C1orf21: variants seen among roughly 807,000 people sequenced by gnomAD.
C1orf21 encodes the protein chromosome 1 open reading frame 21, also known as uncharacterized protein C1orf21.
Under a neutral mutation model 18.7 loss-of-function variants are expected in C1orf21, and 3 were observed. The ratio of observed to expected loss-of-function variants is 0.16; its 90% CI spans 0.07 to 0.42. The LOEUF (loss-of-function observed/expected upper bound fraction) is 0.42, where lower values mean the gene tolerates loss of function less well. Among genes scored for constraint, C1orf21 ranks in the 10% least tolerant of loss-of-function variants. C1orf21 has a pLI of 0.99. For missense variants in C1orf21, 104 were observed against 143.6 expected (o/e 0.72, Z 1.41); for synonymous variants, 41 against 46.4 (o/e 0.88, Z 0.47).
intron 1 of C1orf21, among the ~76,000 whole-genome samples, chr1:184,389,167 G>A (rs957453211): frequency 6.6e-6 from 1 of 152,042 alleles, no homozygotes; most frequent in African/African-American, 2.4e-5. Context: ...GTGCAAACCT[G>A]CTTCAGAGAA....
intron 4 of C1orf21, 49 bp downstream of exon 4, chr1:184,590,864 T>TGGAA: frequency 6.9e-7 from 1 of 1,445,118 alleles, no homozygotes; most frequent in Non-Finnish European, 9.7e-7. Context: ...TCCATATCCA[T>TGGAA]GGATTCTGCA....
chr1:184,490,523 C>T (rs1314688176), intron 2 of C1orf21, among the ~76,000 whole-genome samples: 2 of 152,128 alleles, frequency 1.3e-5, no homozygotes, highest in African/African-American at 4.8e-5. Flanking sequence ...GCAGGGGAGA[C>T]TGGGAAACTT....
intron 2 of C1orf21, among the ~76,000 whole-genome samples, chr1:184,478,403 T>C (rs1226574698): frequency 1.3e-5 from 2 of 152,038 alleles, no homozygotes; most frequent in Non-Finnish European, 2.9e-5. Context: ...GCAAATACAT[T>C]TTTTTTGCCC....
At chr1:184,489,694 G>C (rs958194166) in intron 2 of C1orf21, among the ~76,000 whole-genome samples, 4 of 152,164 alleles carry the variant, frequency 2.6e-5, no homozygotes, top group African/African-American at 9.7e-5. Context: ...TATTGATATG[G>C]CAAAAGGTTT....
At chr1:184,416,419 T>TTA (rs1656452342) in intron 1 of C1orf21, among the ~76,000 whole-genome samples, 1 of 152,154 alleles carries the variant, frequency 6.6e-6, no homozygotes, top group South Asian at 2.1e-4. Flanking sequence ...ATTTAATTTA[T>TTA]TATATATGTG....
In C1orf21 at chr1:184,619,509, C is replaced by G. The variant is rs1270811929; in HGVS notation, c.328-9C>G. ...CATTCACATGCTCTTTTTTCTTTTTCCCTCCAAGGGTCGGGATTACTGTTC... is the reference window on the plus strand; with the variant it reads ...CATTCACATGCTCTTTTTTCTTTTTGCCTCCAAGGGTCGGGATTACTGTTC... On this transcript the variant is annotated splice_polypyrimidine_tract_variant and intron_variant, in intron 5 of 5. Coordinates refer to ENST00000235307, the MANE Select transcript of C1orf21 (RefSeq NM_030806.4). The G allele has an allele frequency of 6.2e-7, 1 of 1,607,992 alleles. No individual in the cohort carries two copies. The highest frequency in any genetic ancestry group is 8.5e-7 in the Non-Finnish European group (1 of 1,178,252).
chr1:184,420,000 G>A lies in C1orf21; in HGVS notation c.-125+32632G>A, dbSNP rs569576692. ...TTATAGGATCACTGGCTGTGACTCA[G>A]AGTAAGCAGATGGAGACGTAGATGG... On this transcript the variant is annotated intron_variant, in intron 1 of 5. Transcript: ENST00000235307. Among the ~76,000 whole-genome samples, 5 of 152,298 alleles carry A rather than the reference G, an allele frequency of 3.3e-5. No homozygotes were observed. The East Asian group carries it at 9.6e-4, about 29-fold the overall frequency.
In C1orf21 at chr1:184,463,356, G is replaced by A. The variant is rs185889707; in HGVS notation, c.-124-14030G>A. ...CTTCTATTCATAATTTTTATCATAT[G>A]GACAAAAGTTTCTATTTGAAAACCT... On this transcript the variant is annotated intron_variant, in intron 1 of 5. Transcript: ENST00000235307. Among the ~76,000 whole-genome samples the A allele has an allele frequency of 6.5e-4, 99 of 151,922 alleles. 1 individual carries two copies. The highest frequency in any genetic ancestry group is 6.5e-3 in the South Asian group (31 of 4,798).
intron 3 of C1orf21, among the ~76,000 whole-genome samples, chr1:184,544,984 G>C (rs1485608173): frequency 6.6e-6 from 1 of 152,200 alleles, no homozygotes; most frequent in African/African-American, 2.4e-5. Flanking sequence ...GAGCCAGTCA[G>C]AGAGCACCCA....
rs115681975 is a variant in C1orf21 at position 184,494,220 on chromosome 1, A to G, written c.95-13368A>G. On this transcript the variant is annotated intron_variant, in intron 2 of 5. Transcript: ENST00000235307. ...ACAGAATGTTTCAGGCAGAGAAACAACAAAGCCAAATTTCTGAGAGGGAGC... is the reference window on the plus strand; with the variant it reads ...ACAGAATGTTTCAGGCAGAGAAACAGCAAAGCCAAATTTCTGAGAGGGAGC... Among the ~76,000 whole-genome samples the G allele has an allele frequency of 6.4e-3, 976 of 152,296 alleles. 9 individuals are homozygous for G. The highest frequency in any genetic ancestry group is 0.022 in the African/African-American group (931 of 41,550).
chr1:184,463,991 T>C (rs2101985141), intron 1 of C1orf21, among the ~76,000 whole-genome samples: 1 of 152,280 alleles, frequency 6.6e-6, no homozygotes, highest in South Asian at 2.1e-4. Flanking sequence ...GGGCTTTCTA[T>C]TTAAGAGGAA....
chr1:184,536,418 AG>A lies in C1orf21; in HGVS notation c.189+28740del, dbSNP rs369781151. ...GCCAGTGAGAGAAGGGAAAGGACCA[AG>A]GGGAAGACACACCCCCTCCTTTAGA... On this transcript the variant is annotated intron_variant, in intron 3 of 5. Coordinates refer to ENST00000235307, the MANE Select transcript of C1orf21 (RefSeq NM_030806.4). Among the ~76,000 whole-genome samples, 414 of 152,258 alleles carry A rather than the reference AG, an allele frequency of 2.7e-3. 4 individuals carry two copies. The highest frequency in any genetic ancestry group is 9.7e-3 in the African/African-American group (404 of 41,548).
At chr1:184,455,275 T>A (rs1657181700) in intron 1 of C1orf21, among the ~76,000 whole-genome samples, 1 of 152,182 alleles carries the variant, frequency 6.6e-6, no homozygotes, top group South Asian at 2.1e-4. Context: ...AAATGTAAGG[T>A]GACCTGTGTT....
intron 1 of C1orf21, among the ~76,000 whole-genome samples, chr1:184,455,338 A>G (rs1657182303): frequency 6.6e-6 from 1 of 152,362 alleles, no homozygotes; most frequent in South Asian, 2.1e-4. Flanking sequence ...TTCAGTGTGC[A>G]TACAAATAAC....
chr1:184,609,778 A>G (rs1478930815), intron 5 of C1orf21, among the ~76,000 whole-genome samples: 1 of 152,266 alleles, frequency 6.6e-6, no homozygotes, highest in African/African-American at 2.4e-5. Flanking sequence ...CGTTAAGTGA[A>G]AAAAAGCAAA....
At chr1:184,403,350 A>T (rs116642972) in intron 1 of C1orf21, among the ~76,000 whole-genome samples, 2,869 of 152,330 alleles carry the variant, frequency 0.019, 100 homozygotes, top group African/African-American at 0.063. Flanking sequence ...ATACAATATG[A>T]TTCTATTTAT....
At chr1:184,452,282 A>C (rs1367127424) in intron 1 of C1orf21, among the ~76,000 whole-genome samples, 1 of 152,172 alleles carries the variant, frequency 6.6e-6, no homozygotes, top group Non-Finnish European at 1.5e-5. Flanking sequence ...TTCTTTTATA[A>C]AGAGTTTGGT....
chr1:184,443,296 A>G (rs1380883038), intron 1 of C1orf21, among the ~76,000 whole-genome samples: 1 of 152,196 alleles, frequency 6.6e-6, no homozygotes, highest in East Asian at 1.9e-4. Flanking sequence ...ATCTCACCCA[A>G]CCTGCTTTTT....
intron 2 of C1orf21, among the ~76,000 whole-genome samples, chr1:184,497,303 C>T (rs549741792): frequency 6.6e-6 from 1 of 152,302 alleles, no homozygotes; most frequent in Non-Finnish European, 1.5e-5. Context: ...TCCTAAAGAG[C>T]TATTCTTTGT....
Sources: gnomAD v4.1 joint callset for allele counts (sites outside exome capture counted in the v4.1 genomes callset) on GRCh38, gnomAD v4.1.1 for gene constraint, MANE v1.5 for transcripts, NCBI Gene and HGNC (gene_info 2026-07-23, HGNC 2026-07-21) for gene names.